Variants in ABCC12 observed in about 807,000 individuals in gnomAD.
ABCC12 encodes the protein ATP-binding cassette sub-family C member 12.
Under a neutral mutation model 151.1 loss-of-function variants are expected in ABCC12, and 142 were observed. That is an observed-to-expected ratio of 0.94 (90% CI 0.82 to 1.08). ABCC12 has a LOEUF of 1.08. ABCC12 is among the 50% of genes least tolerant of loss of function. The probability of loss-of-function intolerance (pLI) is 0.00; values close to 1 mark genes in which losing one functional copy is unlikely to be tolerated. For synonymous variants in ABCC12, 645 were observed against 646.4 expected (o/e 1.00, Z 0.03); for missense variants, 1,638 against 1,691.1 (o/e 0.97, Z 0.55).
At chr16:48,117,209 G>A in intron 14 of ABCC12, 52 bp downstream of exon 14, 2 of 1,551,192 alleles carry the variant, frequency 1.3e-6, no homozygotes, top group Non-Finnish European at 1.8e-6. Context: ...TTGGACCTGA[G>A]CAAATGTACT....
Position 48,124,318 on chromosome 16 carries a change from C to G in ABCC12, c.1516-34G>C, listed in dbSNP as rs537066615. ...GAAACAGAGATGGGACACAGTCACT[C>G]TCTCCCACTTCTTAGAGGGTCTGGC... On this transcript the variant is annotated intron_variant, in intron 11 of 30. Transcript: ENST00000311303. 3 of 1,605,676 alleles carry G rather than the reference C, an allele frequency of 1.9e-6. No homozygotes were observed. The African/African-American group carries it at 4.0e-5, about 21-fold the overall frequency.
chr16:48,084,709 C>T (rs1962508081), intron 29 of ABCC12, among the ~76,000 whole-genome samples: 1 of 152,168 alleles, frequency 6.6e-6, no homozygotes, highest in South Asian at 2.1e-4. Flanking sequence ...CTCCCCATCT[C>T]AAGATCCTTA....
At chr16:48,100,670 C>T (rs1041512113) in intron 23 of ABCC12, among the ~76,000 whole-genome samples, 2 of 152,158 alleles carry the variant, frequency 1.3e-5, no homozygotes, top group Admixed American at 1.3e-4. Flanking sequence ...TGAACAAGCT[C>T]CCCTCATTCA....
intron 2 of ABCC12, among the ~76,000 whole-genome samples, chr16:48,151,053 A>G (rs939906354): frequency 1.3e-5 from 2 of 152,156 alleles, no homozygotes; most frequent in East Asian, 1.9e-4. Context: ...CTAGAATCCA[A>G]TGCTTCCAAG....
intron 25 of ABCC12, 69 bp downstream of exon 25, chr16:48,091,051 A>C (rs1962863420): frequency 6.9e-7 from 1 of 1,459,198 alleles, no homozygotes; most frequent in South Asian, 1.1e-5. Context: ...GCATCTAAAA[A>C]GATCCAGTAT....
chr16:48,125,029 G>A (rs937959542), intron 11 of ABCC12, among the ~76,000 whole-genome samples: 2 of 152,180 alleles, frequency 1.3e-5, no homozygotes, highest in African/African-American at 4.8e-5. Context: ...GAGGCTTGGG[G>A]GTACAAGGAA....
At chr16:48,152,008 C>G (rs1310236049) in intron 2 of ABCC12, among the ~76,000 whole-genome samples, 2 of 152,094 alleles carry the variant, frequency 1.3e-5, no homozygotes, top group Non-Finnish European at 2.9e-5. Context: ...TGTGGTGTGC[C>G]CGTGTCATGG....
intron 9 of ABCC12, among the ~76,000 whole-genome samples, chr16:48,132,006 C>T (rs1017540785): frequency 1.3e-5 from 2 of 152,170 alleles, no homozygotes; most frequent in African/African-American, 2.4e-5. Context: ...AGCAGAGAAG[C>T]GACTGCAATC....
chr16:48,129,639 C>A (rs1046625531), intron 10 of ABCC12, among the ~76,000 whole-genome samples: 1 of 152,054 alleles, frequency 6.6e-6, no homozygotes, highest in African/African-American at 2.4e-5. Context: ...GGTAATCATA[C>A]CAATATTTTG....
chr16:48,110,062 C>T (rs1963632282), intron 18 of ABCC12, among the ~76,000 whole-genome samples: 2 of 152,198 alleles, frequency 1.3e-5, no homozygotes, highest in Admixed American at 6.5e-5. Flanking sequence ...TCCACGGGAC[C>T]CCAAATCCCG....
intron 2 of ABCC12, among the ~76,000 whole-genome samples, chr16:48,148,798 T>G (rs1264900573): frequency 6.6e-6 from 1 of 151,444 alleles, no homozygotes; most frequent in Non-Finnish European, 1.5e-5. Flanking sequence ...CTAGTATCCC[T>G]TTCTTCACTT....
chr16:48,115,048 G>C (rs1323049450), intron 15 of ABCC12, among the ~76,000 whole-genome samples: 3 of 152,196 alleles, frequency 2.0e-5, no homozygotes, highest in Non-Finnish European at 2.9e-5. Context: ...CCTCAGGCTT[G>C]CCCAGAATTG....
chr16:48,097,709 A>T (rs1259811389), intron 23 of ABCC12, among the ~76,000 whole-genome samples: 1 of 152,168 alleles, frequency 6.6e-6, no homozygotes, highest in Non-Finnish European at 1.5e-5. Context: ...TGGAGGCTGC[A>T]GTCTTGATGT....
Position 48,088,720 on chromosome 16 carries a change from T to C in ABCC12, c.3300A>G (p.Glu1100=). The part of the protein sequence containing the change: ...LREYISTCVP[E]CTHPLKVGTC... Reference sequence around the variant, plus strand: ...TCCCCACTTTGAGGGGATGAGTGCATTCAGGAACACAGGTCTGTAAAGGAG... The same window carrying C: ...TCCCCACTTTGAGGGGATGAGTGCACTCAGGAACACAGGTCTGTAAAGGAG... Residue 1100 remains glutamate, a synonymous_variant, in exon 26 of 31, where the codon GAA becomes GAG. Transcript: ENST00000311303. The C allele has an allele frequency of 6.2e-7, 1 of 1,613,572 alleles. No homozygotes were observed. The highest frequency in any genetic ancestry group is 8.5e-7 in the Non-Finnish European group (1 of 1,179,764).
At chr16:48,144,897 G>A (rs908170454) in intron 3 of ABCC12, among the ~76,000 whole-genome samples, 2 of 152,128 alleles carry the variant, frequency 1.3e-5, no homozygotes, top group Non-Finnish European at 1.5e-5. Context: ...TCAGTAAGAT[G>A]GGTGGCAGGG....
chr16:48,096,786 C>G lies in ABCC12; in HGVS notation c.3155G>C (p.Ser1052Thr). Residue 1052 changes from serine to threonine, a missense_variant, in exon 24 of 31, where the codon AGT (serine) becomes ACT (threonine). Coordinates refer to ENST00000311303, the MANE Select transcript of ABCC12 (RefSeq NM_001393797.1). ...CAATGACAGGCCTTTGGATGAAGTA[C>G]TGATGGAGGAGAAACTCAGGGTCAC... ...LLVTLSFSSISTSSKGLSLSY... is the reference protein window; with the variant it reads ...LLVTLSFSSITTSSKGLSLSY... 6.2e-7 allele frequency: 1 copy of G among 1,614,010 alleles called. No homozygotes were observed. The highest frequency in any genetic ancestry group is 1.1e-5 in the South Asian group (1 of 91,078).
chr16:48,138,607 G>A (rs991002152), intron 7 of ABCC12, among the ~76,000 whole-genome samples: 1 of 152,110 alleles, frequency 6.6e-6, no homozygotes, highest in Non-Finnish European at 1.5e-5. Context: ...AGAGAGTGCT[G>A]GGGGCTTTGA....
chr16:48,140,985 C>G (rs1027932236), intron 5 of ABCC12, 65 bp from the exon 6 acceptor site: 4 of 1,484,884 alleles, frequency 2.7e-6, no homozygotes, highest in Non-Finnish European at 1.9e-6. Flanking sequence ...TAGGAGGCCT[C>G]AGATCATGCC....
chr16:48,121,774 T>C lies in ABCC12; in HGVS notation c.1654A>G (p.Ile552Val). ...TTTTCTCTCACATTTCCATGAAAGA[T>C]CCATGCCTGCTGTGAAACGTAGGCC... ...TLAYVSQQAW[I>V]FHGNVRENIL... is the part of the protein sequence containing the mutation. Residue 552 changes from isoleucine (I) to valine (V), a missense_variant, in exon 13 of 31, where the codon ATC becomes GTC. Coordinates refer to ENST00000311303, the MANE Select transcript of ABCC12 (RefSeq NM_001393797.1). The C allele has an allele frequency of 6.2e-7, 1 of 1,614,192 alleles. No individual in the cohort carries two copies. The highest frequency in any genetic ancestry group is 8.5e-7 in the Non-Finnish European group (1 of 1,180,038).
Sources: gnomAD v4.1 joint callset for allele counts (sites outside exome capture counted in the v4.1 genomes callset) on GRCh38, gnomAD v4.1.1 for gene constraint, MANE v1.5 for transcripts, NCBI Gene and HGNC (gene_info 2026-07-23, HGNC 2026-07-21) for gene names.